CORIN: variants seen among roughly 807,000 people sequenced by gnomAD.
CORIN encodes corin, serine peptidase.
In CORIN, 117 loss-of-function variants were observed where a neutral mutation model predicts 125.3. That is an observed-to-expected ratio of 0.93 (90% CI 0.80 to 1.09). The LOEUF (loss-of-function observed/expected upper bound fraction) is 1.09, where lower values mean the gene tolerates loss of function less well. Ranked by LOEUF, CORIN falls within the 50% of genes least tolerant of loss-of-function variation. The pLI, the probability that CORIN is intolerant of heterozygous loss-of-function variation, is 0.00. For synonymous variants in CORIN, 450 were observed against 466.4 expected (o/e 0.96, Z 0.45); for missense variants, 1,253 against 1,306.7 (o/e 0.96, Z 0.63).
Position 47,753,303 on chromosome 4 carries a change from G to A in CORIN, c.618-8720C>T, listed in dbSNP as rs376742369. Among the ~76,000 whole-genome samples the A allele has an allele frequency of 1.2e-4, 19 of 152,280 alleles. No homozygotes were observed. The South Asian group carries it at 2.5e-3, about 20-fold the overall frequency. On this transcript the variant is annotated intron_variant, in intron 4 of 21. Transcript: ENST00000273857. Reference sequence around the variant, plus strand: ...GCAAAGCAAAGATCACAAGGTAAAGGGCAAAATTAGAATTACTGATGAGGG... The same window carrying A: ...GCAAAGCAAAGATCACAAGGTAAAGAGCAAAATTAGAATTACTGATGAGGG...
chr4:47,748,129 T>A (rs1418839123), intron 4 of CORIN, among the ~76,000 whole-genome samples: 4 of 152,132 alleles, frequency 2.6e-5, no homozygotes, highest in Non-Finnish European at 5.9e-5. Flanking sequence ...TGTGAAATAG[T>A]GATGGGGTAT....
At chr4:47,613,732 C>T (rs532181725) in intron 19 of CORIN, among the ~76,000 whole-genome samples, 1 of 147,032 alleles carries the variant, frequency 6.8e-6, no homozygotes, top group South Asian at 2.2e-4. Flanking sequence ...ACCGCATGTT[C>T]TCACTCATAG....
At chr4:47,677,290 G>A (rs987388447) in intron 9 of CORIN, among the ~76,000 whole-genome samples, 1 of 152,118 alleles carries the variant, frequency 6.6e-6, no homozygotes, top group East Asian at 1.9e-4. Context: ...TGGGTATCAG[G>A]GCTGCAACAA....
At chr4:47,614,607 T>C (rs1163787695) in intron 19 of CORIN, among the ~76,000 whole-genome samples, 1 of 152,200 alleles carries the variant, frequency 6.6e-6, no homozygotes, top group African/African-American at 2.4e-5. Context: ...AAATGGTGAA[T>C]TGATGTGCGG....
chr4:47,763,660 G>GT, intron 3 of CORIN, 74 bp from the exon 4 acceptor site: 1 of 1,326,380 alleles, frequency 7.5e-7, no homozygotes, highest in Non-Finnish European at 1.1e-6. Context: ...TTTAATATTT[G>GT]TTTATAAGAT....
chr4:47,659,897 C>A (rs1416021369), intron 12 of CORIN, among the ~76,000 whole-genome samples: 1 of 152,068 alleles, frequency 6.6e-6, no homozygotes, highest in Non-Finnish European at 1.5e-5. Flanking sequence ...AAAGCTATCC[C>A]GAGCAAAAAG....
intron 4 of CORIN, 81 bp downstream of exon 4, chr4:47,763,298 T>A (rs150185927): frequency 1.9e-6 from 2 of 1,040,848 alleles, no homozygotes; most frequent in African/African-American, 3.2e-5. Flanking sequence ...TAAAAGGGAG[T>A]CATTTGGATA....
At chr4:47,785,907 C>A in intron 3 of CORIN, among the ~76,000 whole-genome samples, 1 of 88,864 alleles carries the variant, frequency 1.1e-5, no homozygotes. Context: ...GAGACTCCAT[C>A]TCAAAAAAAA....
At chr4:47,779,685 C>T (rs1432542090) in intron 3 of CORIN, among the ~76,000 whole-genome samples, 1 of 152,104 alleles carries the variant, frequency 6.6e-6, no homozygotes, top group Admixed American at 6.5e-5. Context: ...ATCCACCTGC[C>T]TCGGCCTCCC....
At position 47,595,796 on chromosome 4, in the gene CORIN, G is replaced by A. The variant is rs946090818; in HGVS notation, c.3054C>T (p.Gly1018=). ...CGAAATATGACACATTACTATAAAC[G>A]CCAGGCCCCAGGACTTTGGAAAAGC... ...SVCFSKVLGP[G]VYSNVSYFVE... The change falls in exon 22 of 22, where the codon GGC becomes GGT. Residue 1018 remains glycine (G), a synonymous_variant. Transcript: ENST00000273857. 1.2e-5 allele frequency: 19 copies of A among 1,613,144 alleles called. No individual in the cohort carries two copies. Among genetic ancestry groups the A allele is most frequent in the Admixed American group, 1.7e-5 (1 of 59,896 alleles).
intron 5 of CORIN, among the ~76,000 whole-genome samples, chr4:47,700,671 G>A (rs941466208): frequency 4.6e-5 from 7 of 152,194 alleles, no homozygotes; most frequent in Admixed American, 4.6e-4. Context: ...CCAAGCCAGG[G>A]TACAGGGCCA....
At chr4:47,656,300 C>T (rs1244168534) in intron 12 of CORIN, among the ~76,000 whole-genome samples, 13 of 151,942 alleles carry the variant, frequency 8.6e-5, no homozygotes, top group East Asian at 3.9e-4. Context: ...GGATTACAGG[C>T]GCCTGCCACC....
At chr4:47,740,871 A>G (rs1362969284) in intron 5 of CORIN, among the ~76,000 whole-genome samples, 1 of 151,990 alleles carries the variant, frequency 6.6e-6, no homozygotes, top group Non-Finnish European at 1.5e-5. Context: ...CTCTTCAACA[A>G]TACATACTAG....
intron 5 of CORIN, chr4:47,706,544 G>A (rs1303471211): frequency 1.2e-6 from 2 of 1,610,742 alleles, no homozygotes; most frequent in African/African-American, 1.3e-5. Context: ...GCCAAGCAAG[G>A]TTACGTTATA....
intron 3 of CORIN, among the ~76,000 whole-genome samples, chr4:47,776,117 T>G (rs1730288350): frequency 1.3e-5 from 2 of 151,652 alleles, no homozygotes; most frequent in African/African-American, 4.9e-5. Context: ...CCTCCCAGGC[T>G]CAAGTGCTTC....
Position 47,623,610 on chromosome 4 carries a change from G to C in CORIN, c.2501C>G (p.Ala834Gly). The change falls in exon 19 of 22, where the codon GCC becomes GGC. Residue 834 changes from alanine to glycine, a missense_variant. Transcript: ENST00000273857. Reference sequence around the variant, plus strand: ...GGCAACTGTCAGAACCCACTTCTTGGCAATGAGGACACAGCCACAGATATG... The same window carrying C: ...GGCAACTGTCAGAACCCACTTCTTGCCAATGAGGACACAGCCACAGATATG... ...SGHICGCVLI[A>G]KKWVLTVAHC... 6.2e-7 allele frequency: 1 copy of C among 1,614,146 alleles called. No homozygotes were observed. Among genetic ancestry groups the C allele is most frequent in the East Asian group, 2.2e-5 (1 of 44,878 alleles).
At chr4:47,664,608 G>GT (rs988101937) in intron 11 of CORIN, among the ~76,000 whole-genome samples, 1 of 152,326 alleles carries the variant, frequency 6.6e-6, no homozygotes, top group South Asian at 2.1e-4. Context: ...TGTCCAATCT[G>GT]TGAGTCTGGC....
intron 19 of CORIN, among the ~76,000 whole-genome samples, chr4:47,608,506 G>A (rs1251397073): frequency 6.6e-6 from 1 of 152,194 alleles, no homozygotes; most frequent in Non-Finnish European, 1.5e-5. Context: ...GCAGGCCAAG[G>A]TGAAGCCAGG....
At chr4:47,687,372 A>G (rs545535700) in intron 6 of CORIN, among the ~76,000 whole-genome samples, 2 of 152,326 alleles carry the variant, frequency 1.3e-5, no homozygotes, top group African/African-American at 4.8e-5. Flanking sequence ...CAGCAAATCA[A>G]AATTTGAAAA....
Sources: allele counts gnomAD v4.1 joint callset (sites outside exome capture counted in the v4.1 genomes callset), GRCh38; gene constraint gnomAD v4.1.1; transcripts MANE v1.5; gene names NCBI Gene and HGNC (gene_info 2026-07-23, HGNC 2026-07-21).